LPIN1: variants seen among roughly 807,000 people sequenced by gnomAD.
LPIN1 encodes phosphatidate phosphatase LPIN1.
In LPIN1, 71 loss-of-function variants were observed where a neutral mutation model predicts 107.5. That is an observed-to-expected ratio of 0.66 (90% CI 0.55 to 0.80). The LOEUF is 0.80. Ranked by LOEUF, LPIN1 falls within the 30% of genes least tolerant of loss-of-function variation. The pLI, the probability that LPIN1 is intolerant of heterozygous loss-of-function variation, is 0.00. For synonymous variants in LPIN1, 445 were observed against 452.6 expected (o/e 0.98, Z 0.21); for missense variants, 1,043 against 1,160.6 (o/e 0.90, Z 1.47).
chr2:11,725,268 A>G (rs1664516101), intron 1 of LPIN1, among the ~76,000 whole-genome samples: 1 of 150,444 alleles, frequency 6.6e-6, no homozygotes, highest in Non-Finnish European at 1.5e-5. Flanking sequence ...CTCAAAAACA[A>G]AAACAAAAAC....
chr2:11,690,603 C>A (rs61410870), intron 1 of LPIN1, among the ~76,000 whole-genome samples: 8,506 of 152,264 alleles, frequency 0.056, 605 homozygotes, highest in African/African-American at 0.17. Flanking sequence ...TTGAACCTCA[C>A]TGTATCCTCC....
intron 1 of LPIN1, chr2:11,682,230 C>A (rs56304100): frequency 0.33 from 49,490 of 152,206 alleles, 8,907 homozygotes; most frequent in East Asian, 0.45. Flanking sequence ...CTGGAGGTGA[C>A]ACTCTGCCAC....
chr2:11,705,565 G>C (rs1236876035), intron 1 of LPIN1, among the ~76,000 whole-genome samples: 1 of 152,186 alleles, frequency 6.6e-6, no homozygotes, highest in Admixed American at 6.5e-5. Flanking sequence ...TGTGGCCTGG[G>C]GGGTGAAGAG....
At chr2:11,720,291 G>A (rs1346077692), upstream of LPIN1, among the ~76,000 whole-genome samples, 1 of 152,020 alleles carries the variant, frequency 6.6e-6, no homozygotes, top group Non-Finnish European at 1.5e-5. Context: ...CCATGATATG[G>A]TATTTAAGCA....
intron 14 of LPIN1, among the ~76,000 whole-genome samples, chr2:11,800,219 CAAAGCCCA>C (rs2148692122): frequency 6.6e-6 from 1 of 152,206 alleles, no homozygotes; most frequent in Admixed American, 6.5e-5. Flanking sequence ...GCCACCATCC[CAAAGCCCA>C]CCGACCTCCC....
upstream of LPIN1, chr2:11,746,013 C>T (rs1666863198): frequency 6.6e-6 from 1 of 152,316 alleles, no homozygotes; most frequent in African/African-American, 2.4e-5. Flanking sequence ...TGGAGAGGCG[C>T]AGGGAGCTGC....
chr2:11,714,976 G>A (rs923642117), intron 2 of LPIN1, among the ~76,000 whole-genome samples: 1 of 152,222 alleles, frequency 6.6e-6, no homozygotes, highest in Non-Finnish European at 1.5e-5. Context: ...GGCCTGGCCT[G>A]GGCACTCTGT....
intron 2 of LPIN1, among the ~76,000 whole-genome samples, chr2:11,716,755 A>G (rs1663769202): frequency 6.6e-6 from 1 of 152,160 alleles, no homozygotes; most frequent in Non-Finnish European, 1.5e-5. Context: ...CTAGCTGTGA[A>G]ATACAGAAAC....
intron 17 of LPIN1, among the ~76,000 whole-genome samples, chr2:11,811,458 G>A (rs1489701311): frequency 2.6e-5 from 4 of 152,196 alleles, no homozygotes; most frequent in Non-Finnish European, 4.4e-5. Flanking sequence ...TCACTCTCGA[G>A]CTGGCTTTCC....
At chr2:11,808,614 G>A (rs946310312) in intron 17 of LPIN1, among the ~76,000 whole-genome samples, 16 of 152,016 alleles carry the variant, frequency 1.1e-4, no homozygotes, top group African/African-American at 3.6e-4. Context: ...TGACTAACAC[G>A]AATAGTCCGA....
At chr2:11,693,822 A>ATATT (rs1572328548) in intron 1 of LPIN1, among the ~76,000 whole-genome samples, 283 of 18,980 alleles carry the variant, frequency 0.015, 5 homozygotes, top group Non-Finnish European at 0.021. Flanking sequence ...ATATATATAT[A>ATATT]TTTTTTTTTT....
rs1682169282 is a variant in LPIN1 at position 11,824,868 on chromosome 2, A to G, written c.*77A>G. ...TAAAGGATAGGTCTCCCCGGAGTGC[A>G]CAGCTCCACCTGGGAGCCTGGCGCG... On this transcript the variant is annotated 3_prime_UTR_variant, in exon 21 of 21. Coordinates refer to ENST00000674199, the MANE Select transcript of LPIN1 (RefSeq NM_001349206.2). The G allele has an allele frequency of 6.5e-7, 1 of 1,538,350 alleles. No individual in the cohort carries two copies. Among genetic ancestry groups the G allele is most frequent in the African/African-American group, 1.4e-5 (1 of 73,446 alleles).
At chr2:11,756,490 G>A (rs762514221) in intron 1 of LPIN1, among the ~76,000 whole-genome samples, 7 of 152,112 alleles carry the variant, frequency 4.6e-5, no homozygotes, top group Non-Finnish European at 1.0e-4. Context: ...CTGGGTTCAA[G>A]CAATTCTCCT....
At chr2:11,743,701 A>T (rs1487110609), upstream of LPIN1, among the ~76,000 whole-genome samples, 1 of 152,110 alleles carries the variant, frequency 6.6e-6, no homozygotes, top group Non-Finnish European at 1.5e-5. The surrounding 1 kb of genome is among the most constrained non-coding windows in gnomAD (Gnocchi z 4.7). Context: ...TCTCTTTGGG[A>T]TCCTTTCTGC....
intron 3 of LPIN1, among the ~76,000 whole-genome samples, chr2:11,769,233 T>C (rs1057382128): frequency 2.0e-5 from 3 of 152,246 alleles, no homozygotes; most frequent in Non-Finnish European, 4.4e-5. Flanking sequence ...GCCAATACTT[T>C]TCTGATTTTG....
chr2:11,821,511 T>C (rs1328999566), intron 20 of LPIN1, among the ~76,000 whole-genome samples: 1 of 152,118 alleles, frequency 6.6e-6, no homozygotes, highest in Admixed American at 6.5e-5. Flanking sequence ...AGCTAGACTC[T>C]GTCTCAAAAA....
At chr2:11,716,043 C>A (rs1409034285) in intron 2 of LPIN1, among the ~76,000 whole-genome samples, 1 of 152,124 alleles carries the variant, frequency 6.6e-6, no homozygotes, top group East Asian at 1.9e-4. Flanking sequence ...GTGTGAACTG[C>A]TCATGGAACT....
At chr2:11,718,818 A>C (rs1663925510) in intron 2 of LPIN1, among the ~76,000 whole-genome samples, 1 of 152,202 alleles carries the variant, frequency 6.6e-6, no homozygotes, top group African/African-American at 2.4e-5. Flanking sequence ...CTCAGAACTT[A>C]GTCTCTTGGG....
In LPIN1 at chr2:11,788,432, G is replaced by C. The variant is rs1382084636; in HGVS notation, c.1689G>C (p.Gln563His). 5.6e-6 allele frequency: 9 copies of C among 1,613,862 alleles called. No homozygotes were observed. Among genetic ancestry groups the C allele is most frequent in the Non-Finnish European group, 6.8e-6 (8 of 1,179,876 alleles). The change falls in exon 12 of 21, where the codon CAG (glutamine) becomes CAC (histidine). Residue 563 changes from glutamine (Q) to histidine (H), a missense_variant. Physicochemically the swap from Gln to His is conservative, Grantham distance 24. Transcript: ENST00000674199. ...CAGCACCCCTCCTCCTGGCAATGCA[G>C]GCCTTCCAGAAACCTTTGCCAAAGG... The part of the protein sequence containing the change: ...TTAAPLLLAM[Q>H]AFQKPLPKAT...
Sources: gnomAD v4.1 joint callset for allele counts (sites outside exome capture counted in the v4.1 genomes callset) on GRCh38, gnomAD v4.1.1 for gene constraint, Gnocchi (gnomAD v3.1) non-coding constraint, MANE v1.5 for transcripts, NCBI Gene and HGNC (gene_info 2026-07-23, HGNC 2026-07-21) for gene names.